SP2: variants seen among roughly 807,000 people sequenced by gnomAD.
The protein encoded by SP2 is Sp2 transcription factor, also known as transcription factor Sp2.
In SP2, 9 loss-of-function variants were observed where a neutral mutation model predicts 50.1. That is an observed-to-expected ratio of 0.18 (90% confidence interval 0.11 to 0.31). The LOEUF (loss-of-function observed/expected upper bound fraction) is 0.31, where lower values mean the gene tolerates loss of function less well. Ranked by LOEUF, SP2 falls within the 10% of genes least tolerant of loss-of-function variation. SP2 has a pLI of 1.00. For missense variants in SP2, 581 were observed against 806.5 expected (o/e 0.72, Z 3.39); for synonymous variants, 313 against 326.6 (o/e 0.96, Z 0.45).
intron 1 of SP2, among the ~76,000 whole-genome samples, chr17:47,902,100 G>A (rs1024333194): frequency 1.4e-4 from 21 of 152,136 alleles, no homozygotes; most frequent in African/African-American, 4.8e-4. Context: ...GGTGACATCC[G>A]AGTAAAACCC....
intron 4 of SP2, among the ~76,000 whole-genome samples, chr17:47,923,933 C>A (rs2035556443): frequency 6.6e-6 from 1 of 152,062 alleles, no homozygotes; most frequent in African/African-American, 2.4e-5. Flanking sequence ...AACTCCTGAC[C>A]TGGTGATCCA....
At chr17:47,896,421 G>A in intron 1 of SP2, 128 bp downstream of exon 1, 2 of 734,782 alleles carry the variant, frequency 2.7e-6, no homozygotes, top group Non-Finnish European at 3.7e-6. Flanking sequence ...GTCGGGGCCC[G>A]GCTTCAGGAG....
intron 3 of SP2, among the ~76,000 whole-genome samples, chr17:47,919,994 G>T (rs900744454): frequency 6.6e-6 from 1 of 150,890 alleles, no homozygotes; most frequent in South Asian, 2.1e-4. Flanking sequence ...GTGCCACCAC[G>T]CCCGGCTAAT....
rs1460215621 is a variant in SP2, at chr17:47,916,855, G to C, written c.784G>C (p.Ala262Pro). ...TGCCTCCCAGCCCCCTGTGGCTGTGGCTGAGCAGGTGGAGACGGTGCTGAT... is the reference window on the plus strand; with the variant it reads ...TGCCTCCCAGCCCCCTGTGGCTGTGCCTGAGCAGGTGGAGACGGTGCTGAT... ...LPASQPPVAV[A>P]EQVETVLIET... The change falls in exon 3 of 7, where the codon GCT (alanine) becomes CCT (proline). Residue 262 changes from alanine (A) to proline (P), a missense_variant. Physicochemically the swap from Ala to Pro is conservative, Grantham distance 27. Transcript: ENST00000376741. This position sits in a 1 kb window ranked among gnomAD's most constrained non-coding sequence, Gnocchi z 4.7. 8.1e-6 allele frequency: 13 copies of C among 1,614,036 alleles called. No homozygotes were observed. The highest frequency in any genetic ancestry group is 1.1e-5 in the Non-Finnish European group (13 of 1,179,988).
intron 1 of SP2, among the ~76,000 whole-genome samples, chr17:47,907,082 A>C (rs1428739761): frequency 1.3e-5 from 2 of 152,122 alleles, no homozygotes; most frequent in African/African-American, 4.8e-5. Context: ...TGGATTGAGC[A>C]GCAAGGAGGT....
At chr17:47,909,715 T>A (rs1036797602) in intron 1 of SP2, 8 of 983,374 alleles carry the variant, frequency 8.1e-6, no homozygotes, top group Admixed American at 1.2e-4. Flanking sequence ...AACCACACAG[T>A]CAGAATCTCA....
chr17:47,928,849 T>C lies in SP2; in HGVS notation c.*1025T>C, dbSNP rs1406624337. The stretch of plus-strand genomic sequence containing the variant: ...AACTGCTTGAGGTATGTTTTATGAA[T>C]TAAGTGACAGATTTGTTATCCTTTA... On this transcript the variant is annotated 3_prime_UTR_variant, in exon 7 of 7. Transcript: ENST00000376741. The C allele has an allele frequency of 6.6e-6, 1 of 152,668 alleles. No homozygotes were observed. The highest frequency in any genetic ancestry group is 3.2e-3 in the Middle Eastern group (1 of 316). 9.5% of individuals were successfully genotyped at this position (152,668 alleles called of 1,614,324 possible).
At chr17:47,921,971 CACATAT>C (rs1290375323) in intron 3 of SP2, among the ~76,000 whole-genome samples, 1 of 152,230 alleles carries the variant, frequency 6.6e-6, no homozygotes. Flanking sequence ...TATACACATA[CACATAT>C]ACACACATTT....
intron 1 of SP2, 72 bp downstream of exon 1, chr17:47,896,365 G>A (rs2034329206): frequency 2.5e-6 from 3 of 1,198,658 alleles, no homozygotes; most frequent in African/African-American, 1.6e-5. Context: ...AGGCCGCGGG[G>A]AGAGGGAGCC....
At chr17:47,930,032 T>C (rs1245171806), downstream of SP2, 3 of 152,342 alleles carry the variant, frequency 2.0e-5, no homozygotes, top group South Asian at 2.1e-4. Context: ...CCTTTCCCTC[T>C]TCTTTGTTAA....
chr17:47,921,078 G>A (rs577476594), intron 3 of SP2, among the ~76,000 whole-genome samples: 2 of 152,272 alleles, frequency 1.3e-5, no homozygotes, highest in Admixed American at 6.5e-5. Flanking sequence ...TCCTGTTGTA[G>A]CATGTGTCTG....
chr17:47,907,404 C>T (rs187960590), intron 1 of SP2, among the ~76,000 whole-genome samples: 136 of 152,258 alleles, frequency 8.9e-4, no homozygotes, highest in African/African-American at 3.2e-3. Context: ...CAACCCCATC[C>T]CTATGCCATG....
intron 1 of SP2, among the ~76,000 whole-genome samples, chr17:47,908,881 G>C (rs1239292997): frequency 6.6e-6 from 1 of 152,048 alleles, no homozygotes; most frequent in Non-Finnish European, 1.5e-5. Flanking sequence ...AAGATCATTT[G>C]GTCCAACTTC....
At chr17:47,919,825 C>CTTTTTTTTTTTTTTTGTT (rs2035364674) in intron 3 of SP2, among the ~76,000 whole-genome samples, 1 of 94,800 alleles carries the variant, frequency 1.1e-5, no homozygotes, top group Non-Finnish European at 1.9e-5. Context: ...TTTGTCATTC[C>CTTTTTTTTTTTTTTTGTT]TTTTTTTTTT....
At chr17:47,914,512 C>T (rs772785841) in intron 1 of SP2, among the ~76,000 whole-genome samples, 1 of 152,128 alleles carries the variant, frequency 6.6e-6, no homozygotes. Flanking sequence ...CTTGGCTGAG[C>T]GATACTTCCC....
At chr17:47,924,539 A>G (rs1598168918) in intron 4 of SP2, among the ~76,000 whole-genome samples, 1 of 152,186 alleles carries the variant, frequency 6.6e-6, no homozygotes, top group Admixed American at 6.5e-5. Flanking sequence ...ATGTCTTAAG[A>G]CCCTTCCCAG....
chr17:47,921,415 A>AT (rs1034149568), intron 3 of SP2, among the ~76,000 whole-genome samples: 1 of 151,362 alleles, frequency 6.6e-6, no homozygotes, highest in Admixed American at 6.6e-5. Context: ...CTCCCGGCTA[A>AT]TTTTTTTTGT....
chr17:47,929,039 A>G (rs756570374), downstream of SP2: 1 of 151,830 alleles, frequency 6.6e-6, no homozygotes, highest in South Asian at 2.1e-4. Flanking sequence ...GGTCTCTCAG[A>G]GCGATCCACA....
At chr17:47,896,326 C>T in intron 1 of SP2, 33 bp downstream of exon 1, 2 of 1,235,362 alleles carry the variant, frequency 1.6e-6, no homozygotes, top group African/African-American at 1.6e-5. Flanking sequence ...GGGGTCTTCC[C>T]GGCCCCCAAG....
Sources: allele counts gnomAD v4.1 joint callset (sites outside exome capture counted in the v4.1 genomes callset), GRCh38; gene constraint gnomAD v4.1.1; non-coding constraint Gnocchi (gnomAD v3.1); transcripts MANE v1.5; gene names NCBI Gene and HGNC (gene_info 2026-07-23, HGNC 2026-07-21).